Variants in RGL2 observed in about 807,000 individuals in gnomAD.
RGL2 encodes ral guanine nucleotide dissociation stimulator-like 2.
A neutral mutation model predicts 84.6 loss-of-function variants in RGL2; 40 were observed. That is an observed-to-expected ratio of 0.47 (90% confidence interval 0.37 to 0.62). The LOEUF (loss-of-function observed/expected upper bound fraction) is 0.62, where lower values mean the gene tolerates loss of function less well. RGL2 is among the 20% of genes least tolerant of loss of function. The probability of loss-of-function intolerance (pLI) is 0.00; values close to 1 mark genes in which losing one functional copy is unlikely to be tolerated. For synonymous variants in RGL2, 369 were observed against 417.3 expected (o/e 0.88, Z 1.41); for missense variants, 865 against 1,019.7 (o/e 0.85, Z 2.07).
At position 33,298,851 on chromosome 6, in the gene RGL2, A is replaced by T; in HGVS notation, c.-42+19T>A. On this transcript the variant is annotated intron_variant, in intron 1 of 17. Coordinates refer to ENST00000497454, the MANE Select transcript of RGL2 (RefSeq NM_004761.5). The surrounding 1 kb of genome is among the most constrained non-coding windows in gnomAD (Gnocchi z 4.8). Reference sequence around the variant, plus strand: ...GGAGGTCACGAGTACGGGGACGCGCAGGGTGCTCAGGCTCTGACCTGCTCG... The same window carrying T: ...GGAGGTCACGAGTACGGGGACGCGCTGGGTGCTCAGGCTCTGACCTGCTCG... The T allele has an allele frequency of 1.9e-5, 5 of 263,344 alleles. No individual in the cohort carries two copies. The highest frequency in any genetic ancestry group is 2.0e-5 in the Non-Finnish European group (3 of 146,670). The allele number at this position is 263,344 out of a possible 1,614,324, so 16.3% of individuals were successfully genotyped here. A position where few individuals can be genotyped will look rare whatever the true frequency, so the allele number is the denominator to read the frequency against.
chr6:33,294,993 G>A lies in RGL2; in HGVS notation c.1262C>T (p.Ser421Phe). 6.3e-7 allele frequency: 1 copy of A among 1,580,936 alleles called. No homozygotes were observed. ...GTCACTCACCCCACCCCGGGAGCCA[G>A]ACCTCGGGGCCTTCTTGGAGTGTGG... The part of the protein sequence containing the change: ...LEPHSKKAPR[S>F]GSRGGGVVPY... Residue 421 changes from serine to phenylalanine, a missense_variant, in exon 10 of 18, where the codon TCT becomes TTT. Around this residue, in one of 5 missense-constraint regions of RGL2, gnomAD observed 455 missense variants for 507.8 expected, o/e 0.90. Coordinates refer to ENST00000497454, the MANE Select transcript of RGL2 (RefSeq NM_004761.5). This position sits in a 1 kb window ranked among gnomAD's most constrained non-coding sequence, Gnocchi z 5.0.
chr6:33,299,677 T>C (rs185259351), upstream of RGL2: 6 of 151,966 alleles, frequency 3.9e-5, no homozygotes, highest in Non-Finnish European at 5.9e-5. The surrounding 1 kb of genome is among the most constrained non-coding windows in gnomAD (Gnocchi z 5.0). Flanking sequence ...TGGAAAGGGG[T>C]TGGAATGAGA....
At chr6:33,301,573 CAAA>C (rs11350807), upstream of RGL2, 3,866 of 419,082 alleles carry the variant, frequency 9.2e-3, no homozygotes, top group South Asian at 0.014. Flanking sequence ...GACTCCGTCT[CAAA>C]AAAAAAAAAA....
At position 33,296,952 on chromosome 6, in the gene RGL2, A is replaced by C; in HGVS notation, c.240+80T>G. On this transcript the variant is annotated intron_variant, in intron 3 of 17. Transcript: ENST00000497454. This position sits in a 1 kb window ranked among gnomAD's most constrained non-coding sequence, Gnocchi z 5.0. Reference sequence around the variant, plus strand: ...CAGGACTCCAGAACTCCAACCTAGCACTCTGGCCAGAAAGTCAGCCAGAGG... The same window carrying C: ...CAGGACTCCAGAACTCCAACCTAGCCCTCTGGCCAGAAAGTCAGCCAGAGG... 6.5e-7 allele frequency: 1 copy of C among 1,528,580 alleles called. No individual in the cohort carries two copies. Among genetic ancestry groups the C allele is most frequent in the Admixed American group, 1.7e-5 (1 of 59,376 alleles). 94.7% of individuals were successfully genotyped at this position (1,528,580 alleles called of 1,614,324 possible).
rs776198646 is a variant in RGL2, at chr6:33,296,198, C to T, written c.598G>A (p.Val200Ile). 3 of 1,613,966 alleles carry T rather than the reference C, an allele frequency of 1.9e-6. No individual in the cohort carries two copies. The highest frequency in any genetic ancestry group is 1.1e-5 in the South Asian group (1 of 91,088). Residue 200 changes from valine (V) to isoleucine (I), a missense_variant, in exon 6 of 18, where the codon GTT becomes ATT. Val to Ile is a conservative substitution (Grantham distance 29). This residue lies in a region of RGL2 where 455 missense variants were observed against 507.8 expected (regional missense o/e 0.90). Coordinates refer to ENST00000497454, the MANE Select transcript of RGL2 (RefSeq NM_004761.5). This position sits in a 1 kb window ranked among gnomAD's most constrained non-coding sequence, Gnocchi z 5.0. ...LQTGYAAGKG[V>I]GGGSADLIRN... Reference sequence around the variant, plus strand: ...ATGAGGTCAGCGCTGCCCCCCCCAACACCCTTCCCTGCTGCATACCCTGTC... The same window carrying T: ...ATGAGGTCAGCGCTGCCCCCCCCAATACCCTTCCCTGCTGCATACCCTGTC...
Position 33,293,980 on chromosome 6 carries a change from C to A in RGL2, c.1386+54G>T. 6.2e-7 allele frequency: 1 copy of A among 1,614,110 alleles called. No individual in the cohort carries two copies. The highest frequency in any genetic ancestry group is 1.1e-5 in the South Asian group (1 of 91,070). On this transcript the variant is annotated intron_variant, in intron 12 of 17. Coordinates refer to ENST00000497454, the MANE Select transcript of RGL2 (RefSeq NM_004761.5). This position sits in a 1 kb window ranked among gnomAD's most constrained non-coding sequence, Gnocchi z 7.0. The stretch of plus-strand genomic sequence containing the variant: ...GGGACCCCTGACTTTTCCCCCTCCC[C>A]TTCCTGGAACATGGATAGGGAAGTC...
Position 33,296,997 on chromosome 6 carries a change from G to A in RGL2, c.240+35C>T. On this transcript the variant is annotated intron_variant, in intron 3 of 17. Transcript: ENST00000497454. This position sits in a 1 kb window ranked among gnomAD's most constrained non-coding sequence, Gnocchi z 5.0. ...CAGAGGAAGGAAAACTGGGAATGAA[G>A]AGTCAGAGGTGAGAAGCTAAAGTCA... 1.3e-6 allele frequency: 2 copies of A among 1,590,558 alleles called. No individual in the cohort carries two copies. The highest frequency in any genetic ancestry group is 1.1e-5 in the South Asian group (1 of 89,104).
Position 33,297,218 on chromosome 6 carries a change from G to T in RGL2, c.157-103C>A, listed in dbSNP as rs572529340. 3 of 881,390 alleles carry T rather than the reference G, an allele frequency of 3.4e-6. No individual in the cohort carries two copies. In the African/African-American group the frequency reaches 5.1e-5, roughly 15 times the overall value. The allele number at this position is 881,390 out of a possible 1,614,324, so 54.6% of individuals were successfully genotyped here. A position where few individuals can be genotyped will look rare whatever the true frequency, so the allele number is the denominator to read the frequency against. On this transcript the variant is annotated intron_variant, in intron 2 of 17. Coordinates refer to ENST00000497454, the MANE Select transcript of RGL2 (RefSeq NM_004761.5). This position sits in a 1 kb window ranked among gnomAD's most constrained non-coding sequence, Gnocchi z 4.0. ...TCCTCCCTCTGTACCCCTCACCTGT[G>T]GTGGCAGGGCATAGTACCAGCGAGT...
At position 33,298,841 on chromosome 6, in the gene RGL2, G is replaced by A; in HGVS notation, c.-42+29C>T. 1 of 424,244 alleles carries A rather than the reference G, an allele frequency of 2.4e-6. No homozygotes were observed. Among genetic ancestry groups the A allele is most frequent in the Non-Finnish European group, 4.2e-6 (1 of 238,994 alleles). The allele number at this position is 424,244 out of a possible 1,614,324, so 26.3% of individuals were successfully genotyped here. On this transcript the variant is annotated intron_variant, in intron 1 of 17. Coordinates refer to ENST00000497454, the MANE Select transcript of RGL2 (RefSeq NM_004761.5). The surrounding 1 kb of genome is among the most constrained non-coding windows in gnomAD (Gnocchi z 4.8). ...TGGGGAAGGAGGAGGTCACGAGTAC[G>A]GGGACGCGCAGGGTGCTCAGGCTCT...
chr6:33,297,256 T>TG lies in RGL2; in HGVS notation c.157-142dup, dbSNP rs1451962217. On this transcript the variant is annotated intron_variant, in intron 2 of 17. Coordinates refer to ENST00000497454, the MANE Select transcript of RGL2 (RefSeq NM_004761.5). The surrounding 1 kb of genome is among the most constrained non-coding windows in gnomAD (Gnocchi z 4.0). ...AGTACCAGCGAGTGCGAGGAAGGGT[T>TG]GGGGGAGCTGGTGACCCCAGGTCTC... 13 of 640,084 alleles carry TG rather than the reference T, an allele frequency of 2.0e-5. No homozygotes were observed. The highest frequency in any genetic ancestry group is 9.5e-5 in the South Asian group (4 of 42,084). 39.7% of individuals were successfully genotyped at this position (640,084 alleles called of 1,614,324 possible). A position where few individuals can be genotyped will look rare whatever the true frequency, so the allele number is the denominator to read the frequency against.
chr6:33,292,134 T>G lies in RGL2; in HGVS notation c.2302A>C (p.Thr768Pro). The change falls in exon 18 of 18, where the codon ACA (threonine) becomes CCA (proline). Residue 768 changes from threonine (T) to proline (P), a missense_variant. By Grantham distance (38) the Thr-to-Pro change is conservative. Coordinates refer to ENST00000497454, the MANE Select transcript of RGL2 (RefSeq NM_004761.5). Reference protein sequence around the residue: ...GGGSFPRIKATGRKIARALF With the variant: ...GGGSFPRIKAPGRKIARALF ...AGTGCCCGTGCAATCTTCCTCCCTG[T>G]GGCCTTGATCCTGGGAAAGGAGCCC... 2 of 1,614,198 alleles carry G rather than the reference T, an allele frequency of 1.2e-6. No individual in the cohort carries two copies. The highest frequency in any genetic ancestry group is 2.7e-5 in the African/African-American group (2 of 75,062).
upstream of RGL2, chr6:33,301,581 A>C (rs1303547124): frequency 1.6e-6 from 1 of 618,584 alleles, no homozygotes; most frequent in Non-Finnish European, 2.8e-6. Context: ...CTCAAAAAAA[A>C]AAAAAAAAGA....
In RGL2 at chr6:33,294,748, G is replaced by T; in HGVS notation, c.1293C>A (p.Tyr431Ter). Reference sequence around the variant, plus strand: ...CAAGGTCCTTCAGGAAGGTGCCAAGGTATGGGACCACACCCTGAAGTCAGG... The same window carrying T: ...CAAGGTCCTTCAGGAAGGTGCCAAGTTATGGGACCACACCCTGAAGTCAGG... ...SGSRGGGVVP[Y>*]LGTFLKDLVM... The change falls in exon 11 of 18, where the codon TAC becomes TAA. Residue 431 changes from tyrosine (Y) to a stop codon, truncating the protein, a stop_gained. Transcript: ENST00000497454. LOFTEE classifies it high-confidence loss of function. This position sits in a 1 kb window ranked among gnomAD's most constrained non-coding sequence, Gnocchi z 5.0. The T allele has an allele frequency of 6.2e-7, 1 of 1,614,010 alleles. No homozygotes were observed. Among genetic ancestry groups the T allele is most frequent in the Non-Finnish European group, 8.5e-7 (1 of 1,179,980 alleles).
chr6:33,293,451 G>C lies in RGL2; in HGVS notation c.1678C>G (p.Pro560Ala), dbSNP rs760599780. 1 of 1,614,096 alleles carries C rather than the reference G, an allele frequency of 6.2e-7. No homozygotes were observed. Among genetic ancestry groups the C allele is most frequent in the Admixed American group, 1.7e-5 (1 of 60,012 alleles). ...DRPSTGGDEA[P>A]TTPAPLLTRL... The stretch of plus-strand genomic sequence containing the variant: ...GTCAGCAGAGGAGCAGGAGTTGTAG[G>C]CGCCTCATCTCCCCCAGTACTGGGC... The change falls in exon 15 of 18, where the codon CCT (proline) becomes GCT (alanine). Residue 560 changes from proline (P) to alanine (A), a missense_variant. Physicochemically the swap from Pro to Ala is conservative, Grantham distance 27. Transcript: ENST00000497454. This position sits in a 1 kb window ranked among gnomAD's most constrained non-coding sequence, Gnocchi z 7.0.
Position 33,295,397 on chromosome 6 carries a change from G to A in RGL2, c.1046C>T (p.Ser349Phe), listed in dbSNP as rs1297007075. 1 of 1,610,704 alleles carries A rather than the reference G, an allele frequency of 6.2e-7. No homozygotes were observed. Among genetic ancestry groups the A allele is most frequent in the Non-Finnish European group, 8.5e-7 (1 of 1,179,136 alleles). The change falls in exon 8 of 18, where the codon TCT becomes TTT. Residue 349 changes from serine to phenylalanine, a missense_variant. Coordinates refer to ENST00000497454, the MANE Select transcript of RGL2 (RefSeq NM_004761.5). The surrounding 1 kb of genome is among the most constrained non-coding windows in gnomAD (Gnocchi z 7.2). Reference sequence around the variant, plus strand: ...GGCTGACACCACGGCATAAACTGAAGAGAAGTTTCGGAGCAGCCGGCACTC... The same window carrying A: ...GGCTGACACCACGGCATAAACTGAAAAGAAGTTTCGGAGCAGCCGGCACTC... ...AEECRLLRNF[S>F]SVYAVVSALQ...
In RGL2 at chr6:33,296,764, G is replaced by A. The variant is rs1397997778; in HGVS notation, c.253C>T (p.Pro85Ser). The stretch of plus-strand genomic sequence containing the variant: ...CGGAGCCGTCGGGAGGAACGTGGGG[G>A]AGGCATAGGGACCTGGAGAACACAG... ...RPLDPLVPMPPPRSSRRLRAG... is the reference protein window; with the variant it reads ...RPLDPLVPMPSPRSSRRLRAG... Residue 85 changes from proline to serine, a missense_variant, in exon 4 of 18, where the codon CCC becomes TCC. By Grantham distance (74) the Pro-to-Ser change is moderately conservative. Coordinates refer to ENST00000497454, the MANE Select transcript of RGL2 (RefSeq NM_004761.5). The surrounding 1 kb of genome is among the most constrained non-coding windows in gnomAD (Gnocchi z 5.0). 1 of 1,614,016 alleles carries A rather than the reference G, an allele frequency of 6.2e-7. No individual in the cohort carries two copies. Among genetic ancestry groups the A allele is most frequent in the East Asian group, 2.2e-5 (1 of 44,874 alleles).
At chr6:33,292,674 A>C in intron 16 of RGL2, 130 bp from the exon 17 acceptor site, 1 of 798,162 alleles carries the variant, frequency 1.3e-6, no homozygotes, top group East Asian at 2.6e-5. Flanking sequence ...AAAACCCAAT[A>C]TGGTGGCTTC....
chr6:33,297,396 A>G lies in RGL2; in HGVS notation c.157-281T>C. 1 of 412,486 alleles carries G rather than the reference A, an allele frequency of 2.4e-6. No homozygotes were observed. The highest frequency in any genetic ancestry group is 3.6e-5 in the East Asian group (1 of 27,778). The allele number at this position is 412,486 out of a possible 1,614,324, so 25.6% of individuals were successfully genotyped here. ...GGAATTCTGATCCTGGAGACCCCCA[A>G]AGCCCCTTCTCCCCAGAGCTGAACC... On this transcript the variant is annotated intron_variant, in intron 2 of 17. Coordinates refer to ENST00000497454, the MANE Select transcript of RGL2 (RefSeq NM_004761.5). The surrounding 1 kb of genome is among the most constrained non-coding windows in gnomAD (Gnocchi z 4.0).
Position 33,294,709 on chromosome 6 carries a change from T to C in RGL2, c.1332A>G (p.Ala444=), listed in dbSNP as rs1767764668. The C allele has an allele frequency of 6.2e-7, 1 of 1,614,074 alleles. No individual in the cohort carries two copies. Among genetic ancestry groups the C allele is most frequent in the African/African-American group, 1.3e-5 (1 of 75,036 alleles). The change falls in exon 11 of 18, where the codon GCA becomes GCG. Residue 444 remains alanine, a synonymous_variant. Coordinates refer to ENST00000497454, the MANE Select transcript of RGL2 (RefSeq NM_004761.5). This position sits in a 1 kb window ranked among gnomAD's most constrained non-coding sequence, Gnocchi z 5.0. ...TGACCTCCAACTCATCCTTGGAGGCTGCATCCAGCATCACAAGGTCCTTCA... is the reference window on the plus strand; with the variant it reads ...TGACCTCCAACTCATCCTTGGAGGCCGCATCCAGCATCACAAGGTCCTTCA... ...TFLKDLVMLD[A]ASKDELENGY... is the part of the protein sequence containing the mutation.
Sources: allele counts gnomAD v4.1 joint callset, GRCh38; gene constraint gnomAD v4.1.1; regional missense constraint gnomAD v4.1.1; non-coding constraint Gnocchi (gnomAD v3.1); transcripts MANE v1.5; gene names NCBI Gene and HGNC (gene_info 2026-07-23, HGNC 2026-07-21).